Variants in AMPH observed in about 807,000 individuals in gnomAD.
The protein encoded by AMPH is amphiphysin, also known as amphiphysin (Stiff-Mann syndrome with breast cancer 128kD autoantigen).
A neutral mutation model predicts 99.1 loss-of-function variants in AMPH; 49 were observed. That is an observed-to-expected ratio of 0.49 (90% CI 0.39 to 0.63). AMPH has a LOEUF of 0.63. Ranked by LOEUF, AMPH falls within the 20% of genes least tolerant of loss-of-function variation. AMPH has a pLI of 0.00. For synonymous variants in AMPH, 314 were observed against 317.3 expected, an observed-to-expected ratio of 0.99 and a Z score of 0.11; for missense variants, 759 against 863.4, an observed-to-expected ratio of 0.88 and a Z score of 1.52.
rs1297174292 is a variant in AMPH at position 38,461,525 on chromosome 7, T to A, written c.889-114A>T. ...GATTGAGCTCTGATTGAAACTTGTA[T>A]CTGCATATAGCAGCAAGCCTATCTG... is the stretch of plus-strand genomic sequence containing the variant. On this transcript the variant is annotated intron_variant, in intron 10 of 20. Transcript: ENST00000356264. 4 of 1,268,194 alleles carry A rather than the reference T, an allele frequency of 3.2e-6. No individual in the cohort carries two copies. The East Asian group carries it at 9.5e-5, about 30-fold the overall frequency. The allele number at this position is 1,268,194 out of a possible 1,614,324, so 78.6% of individuals were successfully genotyped here.
chr7:38,418,072 C>T (rs753176233), intron 16 of AMPH, 122 bp from the exon 17 acceptor site: 113 of 1,182,372 alleles, frequency 9.6e-5, no homozygotes, highest in Non-Finnish European at 1.3e-4. Context: ...TTCATGAAAT[C>T]CGTGCTGGAG....
intron 13 of AMPH, 71 bp from the exon 14 acceptor site, chr7:38,429,936 T>C (rs78058422): frequency 7.1e-7 from 1 of 1,406,226 alleles, no homozygotes; most frequent in Non-Finnish European, 9.8e-7. Flanking sequence ...AATCCTATGC[T>C]GTCTAGAGTC....
intron 7 of AMPH, 107 bp downstream of exon 7, chr7:38,475,224 T>C (rs1788037021): frequency 2.8e-6 from 2 of 725,480 alleles, no homozygotes; most frequent in Non-Finnish European, 4.6e-6. Context: ...ACACTTTCAC[T>C]GGACAGTGTT....
At chr7:38,542,671 A>G (rs1263581234) in intron 1 of AMPH, among the ~76,000 whole-genome samples, 1 of 152,310 alleles carries the variant, frequency 6.6e-6, no homozygotes, top group African/African-American at 2.4e-5. Context: ...ATAAAAGATG[A>G]GTTAGCAATG....
At chr7:38,613,914 G>A (rs10228371) in intron 1 of AMPH, among the ~76,000 whole-genome samples, 5,372 of 152,062 alleles carry the variant, frequency 0.035, 378 homozygotes, top group African/African-American at 0.12. Flanking sequence ...TAGTACAGAG[G>A]ACCCATGCTC....
At chr7:38,387,972 A>C (rs13242630) in intron 20 of AMPH, among the ~76,000 whole-genome samples, 12,852 of 152,108 alleles carry the variant, frequency 0.084, 698 homozygotes, top group East Asian at 0.14. Context: ...TAAAGAGTTG[A>C]AAGAAAAAAA....
intron 5 of AMPH, among the ~76,000 whole-genome samples, chr7:38,489,629 A>T (rs774582883): frequency 8.5e-5 from 13 of 152,264 alleles, no homozygotes; most frequent in Non-Finnish European, 1.6e-4. Context: ...ATGTTTGATG[A>T]GGAGTTAATT....
intron 11 of AMPH, among the ~76,000 whole-genome samples, chr7:38,438,698 C>T (rs1001897876): frequency 7.2e-5 from 11 of 152,228 alleles, no homozygotes; most frequent in Admixed American, 2.0e-4. Context: ...TGTGGTTATA[C>T]CCCAATTTTA....
intron 11 of AMPH, among the ~76,000 whole-genome samples, chr7:38,451,934 T>C (rs909766420): frequency 3.9e-5 from 6 of 152,140 alleles, no homozygotes; most frequent in East Asian, 1.9e-4. Flanking sequence ...AAGTAAACCA[T>C]TGGGTCATAA....
chr7:38,610,333 A>AAAAAG lies in AMPH; in HGVS notation c.69+20945_69+20949dup, dbSNP rs199614522. ...AAAGAAAAGAAAAGAAAAGAAAAGA[A>AAAAAG]AAAAGAAAAGAAAAGAAAAGAAAAG... On this transcript the variant is annotated intron_variant, in intron 1 of 20. Coordinates refer to ENST00000356264, the MANE Select transcript of AMPH (RefSeq NM_001635.4). Among the ~76,000 whole-genome samples, 69 of 29,836 alleles carry AAAAAG rather than the reference A, an allele frequency of 2.3e-3. 4 individuals carry two copies. Among genetic ancestry groups the AAAAAG allele is most frequent in the South Asian group, 0.01 (12 of 1,180 alleles). 19.6% of individuals were successfully genotyped at this position (29,836 alleles called of 152,430 possible).
chr7:38,571,395 CTA>C (rs1442972421), intron 1 of AMPH, among the ~76,000 whole-genome samples: 6,556 of 56,544 alleles, frequency 0.12, 271 homozygotes, highest in East Asian at 0.16. Flanking sequence ...TATATATATT[CTA>C]TATATATAGA....
chr7:38,499,035 C>T (rs1320617640), intron 3 of AMPH, among the ~76,000 whole-genome samples: 1 of 152,208 alleles, frequency 6.6e-6, no homozygotes, highest in Admixed American at 6.5e-5. Flanking sequence ...TATGACCCCA[C>T]TTCTTGGGTT....
rs375304482 is a variant in AMPH, at chr7:38,429,222, C to T, written c.1182+620G>A. ...GTCATACAGCTGCTCCATCTCCACA[C>T]AAGCAGCAATGGCAACTCCAGCCTC... On this transcript the variant is annotated intron_variant, in intron 14 of 20. Coordinates refer to ENST00000356264, the MANE Select transcript of AMPH (RefSeq NM_001635.4). The T allele has an allele frequency of 1.0e-4, 130 of 1,288,426 alleles. 1 individual carries two copies. The East Asian group carries it at 1.9e-3, about 19-fold the overall frequency. The allele number at this position is 1,288,426 out of a possible 1,614,324, so 79.8% of individuals were successfully genotyped here.
At chr7:38,489,053 A>G (rs1788620875) in intron 5 of AMPH, among the ~76,000 whole-genome samples, 1 of 152,312 alleles carries the variant, frequency 6.6e-6, no homozygotes, top group Non-Finnish European at 1.5e-5. Flanking sequence ...TTTGAAGAAG[A>G]AGGATAAAGC....
chr7:38,628,759 T>G lies in AMPH; in HGVS notation c.69+2524A>C, dbSNP rs79524932. Reference sequence around the variant, plus strand: ...TTATGTGCTTCGTAATTTGCTGGAGTTTTTTTCTGCTTATATGTACATTTC... The same window carrying G: ...TTATGTGCTTCGTAATTTGCTGGAGGTTTTTTCTGCTTATATGTACATTTC... On this transcript the variant is annotated intron_variant, in intron 1 of 20. Transcript: ENST00000356264. 7.9e-3 allele frequency among the ~76,000 whole-genome samples: 1,201 copies of G among 152,220 alleles called. 17 individuals are homozygous for G. The highest frequency in any genetic ancestry group is 0.027 in the African/African-American group (1,124 of 41,522).
At chr7:38,399,374 G>A (rs1784779198) in intron 17 of AMPH, among the ~76,000 whole-genome samples, 2 of 152,148 alleles carry the variant, frequency 1.3e-5, no homozygotes, top group Non-Finnish European at 2.9e-5. Context: ...CTGGAATCTG[G>A]TCCAGATGTT....
At chr7:38,475,870 GA>G (rs1788062282) in intron 6 of AMPH, among the ~76,000 whole-genome samples, 1 of 152,144 alleles carries the variant, frequency 6.6e-6, no homozygotes, top group Non-Finnish European at 1.5e-5. Context: ...GAATCCTAAA[GA>G]ATCAGAAAAT....
intron 18 of AMPH, 140 bp downstream of exon 18, chr7:38,393,862 GATA>G: frequency 4.1e-6 from 3 of 739,428 alleles, no homozygotes; most frequent in Non-Finnish European, 6.8e-6. Context: ...CTGAGAATCT[GATA>G]ATAATGTTGT....
chr7:38,410,857 A>G (rs556475325), intron 17 of AMPH, among the ~76,000 whole-genome samples: 1 of 152,340 alleles, frequency 6.6e-6, no homozygotes, highest in Admixed American at 6.5e-5. Context: ...TTGAGGCTGC[A>G]CAGAGTTTCT....
Sources: allele counts gnomAD v4.1 joint callset (sites outside exome capture counted in the v4.1 genomes callset), GRCh38; gene constraint gnomAD v4.1.1; transcripts MANE v1.5; gene names NCBI Gene and HGNC (gene_info 2026-07-23, HGNC 2026-07-21).